The following COL28A1 variants were observed in gnomAD, a reference collection of about 807,000 sequenced individuals.
COL28A1 encodes the protein collagen alpha-1(XXVIII) chain.
In COL28A1, 161 loss-of-function variants were observed where a neutral mutation model predicts 150.2. That is an observed-to-expected ratio of 1.07 (90% CI 0.94 to 1.22). The LOEUF (loss-of-function observed/expected upper bound fraction) is 1.22. Among genes scored for constraint, COL28A1 ranks in the 50% most tolerant of loss-of-function variants. The pLI is 0.00. For synonymous variants in COL28A1, 552 were observed against 469.7 expected, an observed-to-expected ratio of 1.18 and a Z score of -2.26; for missense variants, 1,617 against 1,388.3, an observed-to-expected ratio of 1.16 and a Z score of -2.62.
intron 11 of COL28A1, among the ~76,000 whole-genome samples, chr7:7,499,411 T>G (rs1317458647): frequency 6.6e-6 from 1 of 152,194 alleles, no homozygotes; most frequent in African/African-American, 2.4e-5. Flanking sequence ...CATGTTCAAG[T>G]ACCCTACACT....
intron 21 of COL28A1, among the ~76,000 whole-genome samples, chr7:7,438,243 C>T (rs546681497): frequency 3.3e-5 from 5 of 151,994 alleles, no homozygotes; most frequent in South Asian, 4.2e-4. Context: ...CAGAGCAAAA[C>T]GCTGTCTCAA....
chr7:7,351,860 C>G (rs1245824454), downstream of COL28A1, among the ~76,000 whole-genome samples: 1 of 152,106 alleles, frequency 6.6e-6, no homozygotes, highest in Non-Finnish European at 1.5e-5. Flanking sequence ...TCCTCTCAGT[C>G]AAGGGCATTC....
intron 27 of COL28A1, among the ~76,000 whole-genome samples, chr7:7,405,808 T>C (rs1295400691): frequency 6.6e-6 from 1 of 152,178 alleles, no homozygotes; most frequent in Non-Finnish European, 1.5e-5. Flanking sequence ...AATGATTGGC[T>C]GATCTAGTGA....
chr7:7,379,686 G>T (rs1384049961), intron 30 of COL28A1, among the ~76,000 whole-genome samples: 1 of 152,188 alleles, frequency 6.6e-6, no homozygotes, highest in African/African-American at 2.4e-5. Context: ...AATGGAGAAA[G>T]GAAACCAGTC....
chr7:7,364,174 C>G (rs1220962914), intron 33 of COL28A1, among the ~76,000 whole-genome samples: 1 of 152,196 alleles, frequency 6.6e-6, no homozygotes, highest in Non-Finnish European at 1.5e-5. Flanking sequence ...ATACTCAGTG[C>G]TGATTGTGTA....
At chr7:7,508,189 G>T (rs189674859) in intron 9 of COL28A1, among the ~76,000 whole-genome samples, 29 of 150,440 alleles carry the variant, frequency 1.9e-4, no homozygotes, top group African/African-American at 6.4e-4. Flanking sequence ...CTGAGATCGC[G>T]CCACTGCACT....
In COL28A1 at chr7:7,380,524, G is replaced by A. The variant is rs1166296324; in HGVS notation, c.2322+136C>T. The stretch of plus-strand genomic sequence containing the variant: ...CCTCATGCATCTAAGCCAACACTGG[G>A]CTGGTAGTAGTTGATCTCATTTAAA... On this transcript the variant is annotated intron_variant, in intron 30 of 34. Transcript: ENST00000399429. The A allele has an allele frequency of 4.2e-5, 30 of 714,944 alleles. No individual in the cohort carries two copies. In the Admixed American group the frequency reaches 7.5e-4, roughly 18 times the overall value. The allele number at this position is 714,944 out of a possible 1,614,324, so 44.3% of individuals were successfully genotyped here.
At chr7:7,541,790 T>C in the COL28A1 span, among the ~76,000 whole-genome samples, 4 of 152,264 alleles carry the variant, frequency 2.6e-5, no homozygotes, top group African/African-American at 7.2e-5. Flanking sequence ...GCTCTCTAAG[T>C]AACATCTGAT....
chr7:7,512,849 T>G (rs567034220), intron 8 of COL28A1, among the ~76,000 whole-genome samples: 5 of 152,392 alleles, frequency 3.3e-5, no homozygotes, highest in South Asian at 4.1e-4. Context: ...TAGCTTCTGC[T>G]GCTGCTTCTT....
rs570078517 is a variant in COL28A1 at position 7,456,359 on chromosome 7, T to A, written c.1303-247A>T. Among the ~76,000 whole-genome samples the A allele has an allele frequency of 2.9e-4, 44 of 152,294 alleles. 1 individual carries two copies. The South Asian group carries it at 8.5e-3, about 29-fold the overall frequency. On this transcript the variant is annotated intron_variant, in intron 15 of 34. Transcript: ENST00000399429. ...ATTTGTATAGGCTTATATTTATCAA[T>A]CATTTTCTCACAAACAAAATTTCCT...
intron 13 of COL28A1, among the ~76,000 whole-genome samples, chr7:7,481,017 C>T (rs149268609): frequency 1.6e-3 from 242 of 152,286 alleles, no homozygotes; most frequent in Non-Finnish European, 2.8e-3. Context: ...AAATATCTGC[C>T]ATCATTATCC....
At chr7:7,368,606 G>C (rs1781063599) in intron 33 of COL28A1, among the ~76,000 whole-genome samples, 1 of 152,104 alleles carries the variant, frequency 6.6e-6, no homozygotes, top group African/African-American at 2.4e-5. Flanking sequence ...GGTCATGAGG[G>C]TGGAGCCTTT....
intron 3 of COL28A1, among the ~76,000 whole-genome samples, 158 bp from the exon 4 acceptor site, chr7:7,524,407 C>A (rs1166056070): frequency 1.3e-5 from 2 of 152,140 alleles, no homozygotes; most frequent in African/African-American, 4.8e-5. Context: ...ACCAGCCAAC[C>A]ACCCAAGGAG....
chr7:7,532,667 A>C, intron 2 of COL28A1, 85 bp downstream of exon 2: 2 of 1,512,540 alleles, frequency 1.3e-6, no homozygotes, highest in Non-Finnish European at 1.8e-6. Flanking sequence ...ATGGCTTGCT[A>C]TTTATATCAA....
intron 27 of COL28A1, among the ~76,000 whole-genome samples, chr7:7,397,759 T>C (rs954469909): frequency 3.3e-5 from 5 of 152,186 alleles, no homozygotes; most frequent in Non-Finnish European, 7.3e-5. Flanking sequence ...ATGTGGTAGC[T>C]AGAAATGTTG....
At chr7:7,483,820 G>A (rs1007215591) in intron 13 of COL28A1, among the ~76,000 whole-genome samples, 1 of 151,918 alleles carries the variant, frequency 6.6e-6, no homozygotes, top group Non-Finnish European at 1.5e-5. Context: ...TACAAGAACA[G>A]TATAGTAAAA....
rs768797081 is a variant in COL28A1, at chr7:7,373,301, G to T, written c.2605C>A (p.Gln869Lys). ...GTGTATGTGCCTTCCCCCAGATACTGCATGTTGTCCACAGCCAACTTGAAG... is the reference window on the plus strand; with the variant it reads ...GTGTATGTGCCTTCCCCCAGATACTTCATGTTGTCCACAGCCAACTTGAAG... ...DDFKLAVDNMQYLGEGTYTAT... is the reference protein window; with the variant it reads ...DDFKLAVDNMKYLGEGTYTAT... The change falls in exon 32 of 35, where the codon CAG becomes AAG. Residue 869 changes from glutamine (Q) to lysine (K), a missense_variant. Gln to Lys is a moderately conservative substitution (Grantham distance 53). Transcript: ENST00000399429. This position sits in a 1 kb window ranked among gnomAD's most constrained non-coding sequence, Gnocchi z 4.1. The T allele has an allele frequency of 6.2e-7, 1 of 1,613,998 alleles. No individual in the cohort carries two copies. The highest frequency in any genetic ancestry group is 1.3e-5 in the African/African-American group (1 of 74,880).
chr7:7,376,998 C>T (rs1329401759), intron 30 of COL28A1, among the ~76,000 whole-genome samples: 1 of 152,114 alleles, frequency 6.6e-6, no homozygotes, highest in Non-Finnish European at 1.5e-5. Context: ...AGCAAAATCT[C>T]TCATTGTTTT....
the COL28A1 span, among the ~76,000 whole-genome samples, chr7:7,339,305 C>T: frequency 6.6e-6 from 1 of 152,142 alleles, no homozygotes; most frequent in Non-Finnish European, 1.5e-5. Context: ...TATTCACTCC[C>T]TTAAGTATCC....
Sources: allele counts gnomAD v4.1 joint callset (sites outside exome capture counted in the v4.1 genomes callset), GRCh38; gene constraint gnomAD v4.1.1; non-coding constraint Gnocchi (gnomAD v3.1); transcripts MANE v1.5; gene names NCBI Gene and HGNC (gene_info 2026-07-23, HGNC 2026-07-21).